MYOM1: variants seen among roughly 807,000 people sequenced by gnomAD.
MYOM1 encodes myomesin-1.
In MYOM1, 164 loss-of-function variants were observed where a neutral mutation model predicts 205.3. That is an observed-to-expected ratio of 0.80 (90% CI 0.70 to 0.91). The LOEUF is 0.91. MYOM1 is among the 40% of genes least tolerant of loss of function. MYOM1 has a pLI of 0.00. For synonymous variants in MYOM1, 772 were observed against 789.4 expected (o/e 0.98, Z 0.37); for missense variants, 2,011 against 2,127.3 (o/e 0.95, Z 1.08).
intron 2 of MYOM1, among the ~76,000 whole-genome samples, chr18:3,208,426 C>T (rs1219586450): frequency 6.6e-6 from 1 of 152,154 alleles, no homozygotes; most frequent in South Asian, 2.1e-4. Context: ...GAGGACTGAG[C>T]CAAGAGGATC....
intron 34 of MYOM1, among the ~76,000 whole-genome samples, chr18:3,077,869 C>T (rs2079037531): frequency 6.6e-6 from 1 of 152,156 alleles, no homozygotes; most frequent in Admixed American, 6.5e-5. Flanking sequence ...GGAGCAGCTG[C>T]TCCCATTACT....
intron 22 of MYOM1, among the ~76,000 whole-genome samples, chr18:3,105,630 G>A (rs2079442340): frequency 6.6e-6 from 1 of 152,116 alleles, no homozygotes; most frequent in African/African-American, 2.4e-5. Flanking sequence ...CGTGGCAGGG[G>A]GATCACTTGA....
At chr18:3,156,698 C>G (rs747422126) in intron 10 of MYOM1, among the ~76,000 whole-genome samples, 1 of 151,882 alleles carries the variant, frequency 6.6e-6, no homozygotes. Context: ...CTCCACCTCC[C>G]GGGTTCACGC....
intron 8 of MYOM1, among the ~76,000 whole-genome samples, chr18:3,170,111 TAG>T (rs2080534809): frequency 6.6e-6 from 1 of 152,034 alleles, no homozygotes; most frequent in African/African-American, 2.4e-5. Context: ...CCCATGGAGA[TAG>T]AGAGTAGAAT....
intron 5 of MYOM1, among the ~76,000 whole-genome samples, chr18:3,186,987 A>AAAAG (rs72516681): frequency 3.3e-5 from 5 of 151,862 alleles, no homozygotes; most frequent in Non-Finnish European, 4.4e-5. Flanking sequence ...AAGAAAGAAA[A>AAAAG]AAAGAAAGAA....
Position 3,067,407 on chromosome 18 carries a change from G to T in MYOM1, c.4913C>A (p.Thr1638Asn). ...CAGCCCGTATTTGCCCGAGTCAGCG[G>T]TGCTCACGCCGTTGATGGTGAAGTA... ...TAYFTINGVS[T>N]ADSGKYGLVV... The change falls in exon 38 of 38, where the codon ACC becomes AAC. Residue 1638 changes from threonine to asparagine, a missense_variant. Transcript: ENST00000356443. 1 of 1,613,476 alleles carries T rather than the reference G, an allele frequency of 6.2e-7. No homozygotes were observed. The highest frequency in any genetic ancestry group is 8.5e-7 in the Non-Finnish European group (1 of 1,179,912).
chr18:3,192,302 T>C (rs1173598178), intron 3 of MYOM1, among the ~76,000 whole-genome samples: 1 of 152,152 alleles, frequency 6.6e-6, no homozygotes, highest in East Asian at 1.9e-4. Context: ...AGGCTGGGCA[T>C]CCATACTTAG....
intron 25 of MYOM1, among the ~76,000 whole-genome samples, chr18:3,098,181 G>T (rs578077031): frequency 6.6e-6 from 1 of 152,164 alleles, no homozygotes; most frequent in East Asian, 1.9e-4. Context: ...GGGATCACTG[G>T]TCTGTTTCAA....
At chr18:3,139,958 A>G (rs143225180) in intron 14 of MYOM1, among the ~76,000 whole-genome samples, 10 of 152,294 alleles carry the variant, frequency 6.6e-5, no homozygotes, top group African/African-American at 2.4e-4. Context: ...ATGTGCCCTT[A>G]TTATAGGAAA....
intron 3 of MYOM1, among the ~76,000 whole-genome samples, chr18:3,192,021 T>G (rs545292193): frequency 1.8e-4 from 27 of 152,220 alleles, no homozygotes; most frequent in Admixed American, 1.6e-3. Context: ...TCACAGTGTA[T>G]TTGTAAATGA....
chr18:3,094,093 A>G lies in MYOM1; in HGVS notation c.3864+77T>C, dbSNP rs1330735972. Reference sequence around the variant, plus strand: ...ACCACCCAGCGGTTTTTATAACAACATATCCACATCCACATAAGGCTTCCT... The same window carrying G: ...ACCACCCAGCGGTTTTTATAACAACGTATCCACATCCACATAAGGCTTCCT... On this transcript the variant is annotated intron_variant, in intron 26 of 37. Transcript: ENST00000356443. 7 of 1,493,562 alleles carry G rather than the reference A, an allele frequency of 4.7e-6. No homozygotes were observed. In the East Asian group the frequency reaches 1.4e-4, roughly 29 times the overall value. The allele number at this position is 1,493,562 out of a possible 1,614,324, so 92.5% of individuals were successfully genotyped here.
chr18:3,136,469 G>A (rs1300165600), intron 14 of MYOM1, among the ~76,000 whole-genome samples: 1 of 151,718 alleles, frequency 6.6e-6, no homozygotes, highest in Non-Finnish European at 1.5e-5. Context: ...CCTGTCACCT[G>A]GGCTGGAGTA....
chr18:3,210,073 G>A (rs2081172892), intron 2 of MYOM1, among the ~76,000 whole-genome samples: 1 of 152,004 alleles, frequency 6.6e-6, no homozygotes, highest in South Asian at 2.1e-4. Context: ...ACAACATGAG[G>A]GACAGTCATT....
rs148266515 is a variant in MYOM1 at position 3,085,193 on chromosome 18, A to AT, written c.4252-62dup. Reference sequence around the variant, plus strand: ...GTAGCCCCAGGGCACGGTATCTGTGATTTTTTTTTTTCTTCTGCTTCTTCT... The same window carrying AT: ...GTAGCCCCAGGGCACGGTATCTGTGATTTTTTTTTTTTCTTCTGCTTCTTCT... On this transcript the variant is annotated intron_variant, in intron 30 of 37. Coordinates refer to ENST00000356443, the MANE Select transcript of MYOM1 (RefSeq NM_003803.4). The AT allele has an allele frequency of 0.11, 52,913 of 503,212 alleles. 2,792 individuals are homozygous for AT. Among genetic ancestry groups the AT allele is most frequent in the Non-Finnish European group, 0.11 (36,672 of 329,166 alleles). The allele number at this position is 503,212 out of a possible 1,614,324, so 31.2% of individuals were successfully genotyped here.
intron 10 of MYOM1, among the ~76,000 whole-genome samples, chr18:3,159,875 T>TTCCC (rs1320373610): frequency 1.1e-3 from 1 of 908 alleles, no homozygotes; most frequent in Non-Finnish European, 5.4e-3. Flanking sequence ...TTTCTTTCTT[T>TTCCC]TCCTTCCTTC....
At chr18:3,079,113 C>T in intron 34 of MYOM1, 66 bp downstream of exon 34, 2 of 1,543,720 alleles carry the variant, frequency 1.3e-6, no homozygotes, top group Non-Finnish European at 1.8e-6. Flanking sequence ...ATGCCCAACT[C>T]CCTTCATTCC....
intron 26 of MYOM1, 33 bp downstream of exon 26, chr18:3,094,137 T>TA: frequency 6.2e-7 from 1 of 1,608,284 alleles, no homozygotes; most frequent in Non-Finnish European, 8.5e-7. Flanking sequence ...TCTACAATGA[T>TA]ACATTAAAAA....
chr18:3,121,565 T>G (rs73937190), intron 19 of MYOM1, among the ~76,000 whole-genome samples: 1 of 152,102 alleles, frequency 6.6e-6, no homozygotes, highest in South Asian at 2.1e-4. Context: ...CATTGCTGTT[T>G]GGATTTTAAA....
chr18:3,148,720 C>A (rs1292117921), intron 13 of MYOM1, among the ~76,000 whole-genome samples: 1 of 151,034 alleles, frequency 6.6e-6, no homozygotes, highest in Non-Finnish European at 1.5e-5. Context: ...GTGGCGGGCG[C>A]CTGTAGTCCC....
Sources: allele counts gnomAD v4.1 joint callset (sites outside exome capture counted in the v4.1 genomes callset), GRCh38; gene constraint gnomAD v4.1.1; transcripts MANE v1.5; gene names NCBI Gene and HGNC (gene_info 2026-07-23, HGNC 2026-07-21).